Variants in PCM1 observed in about 807,000 individuals in gnomAD.
PCM1 encodes the protein pericentriolar material 1.
Under a neutral mutation model 241.9 loss-of-function variants are expected in PCM1, and 157 were observed. The ratio of observed to expected loss-of-function variants is 0.65; its 90% CI spans 0.57 to 0.74. The LOEUF (loss-of-function observed/expected upper bound fraction) is 0.74, where lower values mean the gene tolerates loss of function less well. Among genes scored for constraint, PCM1 ranks in the 30% least tolerant of loss-of-function variants. PCM1 has a pLI of 0.00. For synonymous variants in PCM1, 1,085 were observed against 784.9 expected (o/e 1.38, Z -6.39); for missense variants, 3,478 against 2,360.1 (o/e 1.47, Z -9.81).
chr8:17,983,351 G>T (rs1238637873), intron 24 of PCM1: 1 of 967,150 alleles, frequency 1.0e-6, no homozygotes, highest in Admixed American at 2.4e-5. Context: ...GGTCCTAAAG[G>T]TTTTATTGTC....
intron 31 of PCM1, 70 bp from the exon 32 acceptor site, chr8:18,010,539 A>T (rs1217262347): frequency 8.7e-7 from 1 of 1,150,788 alleles, no homozygotes; most frequent in Admixed American, 2.1e-5. Flanking sequence ...TGGGAGGCTG[A>T]GACATGAGAA....
chr8:17,985,674 A>T (rs896330005), intron 25 of PCM1, 55 bp downstream of exon 25: 3 of 1,330,206 alleles, frequency 2.3e-6, no homozygotes, highest in African/African-American at 1.4e-5. Flanking sequence ...CTTCATGATT[A>T]TCTCTGGTTG....
intron 10 of PCM1, chr8:17,956,000 T>C (rs2068228898): frequency 3.6e-6 from 1 of 278,140 alleles, no homozygotes; most frequent in Non-Finnish European, 6.9e-6. Flanking sequence ...TGTTACCCTG[T>C]ACAAATAACT....
At chr8:17,964,225 C>T (rs1311205558) in intron 17 of PCM1, among the ~76,000 whole-genome samples, 1 of 152,192 alleles carries the variant, frequency 6.6e-6, no homozygotes, top group African/African-American at 2.4e-5. Flanking sequence ...AGCACAGATA[C>T]AGATGATTGC....
chr8:18,007,967 T>C (rs1019198862), intron 30 of PCM1, among the ~76,000 whole-genome samples: 1 of 152,214 alleles, frequency 6.6e-6, no homozygotes, highest in Admixed American at 6.5e-5. Flanking sequence ...TACTTCCTTA[T>C]TTGAAGATTC....
chr8:17,961,861 T>G (rs1321234590), intron 15 of PCM1, among the ~76,000 whole-genome samples, 173 bp from the exon 16 acceptor site: 1 of 152,214 alleles, frequency 6.6e-6, no homozygotes, highest in Non-Finnish European at 1.5e-5. Context: ...AGCTTGTGTT[T>G]TCATCTTTGT....
In PCM1 at chr8:17,940,217, T is replaced by G. The variant is rs558349099; in HGVS notation, c.783+356T>G. On this transcript the variant is annotated intron_variant, in intron 6 of 38. Transcript: ENST00000325083. ...ATGAAGGTTTAAATTTTTCTCCCAG[T>G]TTTCAAGATGTTATTTTTATAGGCG... The G allele has an allele frequency of 1.2e-4, 106 of 882,422 alleles. No individual in the cohort carries two copies. In the African/African-American group the frequency reaches 1.5e-3, roughly 12 times the overall value. 54.7% of individuals were successfully genotyped at this position (882,422 alleles called of 1,614,324 possible).
chr8:17,956,701 A>C lies in PCM1; in HGVS notation c.1570A>C (p.Asn524His). Residue 524 changes from asparagine to histidine, a missense_variant, in exon 11 of 39, where the codon AAC (asparagine) becomes CAC (histidine). Asn to His is a moderately conservative substitution (Grantham distance 68). Transcript: ENST00000325083. ...SDMMTDAVNENRKDEETEESE... is the reference protein window; with the variant it reads ...SDMMTDAVNEHRKDEETEESE... The stretch of plus-strand genomic sequence containing the variant: ...CATGATGACAGATGCTGTGAATGAA[A>C]ACAGGAAAGATGAAGAAACTGAAGA... 6.2e-7 allele frequency: 1 copy of C among 1,606,624 alleles called. No homozygotes were observed. Among genetic ancestry groups the C allele is most frequent in the Non-Finnish European group, 8.5e-7 (1 of 1,175,136 alleles).
At chr8:17,927,216 T>G (rs1194817524) in intron 2 of PCM1, 1 of 148,570 alleles carries the variant, frequency 6.7e-6, no homozygotes, top group Admixed American at 6.8e-5. Flanking sequence ...ATCCCTCTCC[T>G]CCCGAGTTCA....
intron 29 of PCM1, among the ~76,000 whole-genome samples, chr8:17,999,911 G>T (rs2088637185): frequency 6.6e-6 from 1 of 152,100 alleles, no homozygotes; most frequent in Non-Finnish European, 1.5e-5. Context: ...AGGTTTGGCA[G>T]ACCTAGCAGT....
At chr8:17,940,687 C>G (rs1009482587) in intron 6 of PCM1, among the ~76,000 whole-genome samples, 1 of 152,124 alleles carries the variant, frequency 6.6e-6, no homozygotes, top group African/African-American at 2.4e-5. Flanking sequence ...TACATTGTGA[C>G]TTATTCACAA....
chr8:17,935,664 A>G lies in PCM1; in HGVS notation c.54A>G (p.Pro18=). ...FEDGMNDQDL[P]NWSNENVDDR... ...ATGGCATGAATGATCAGGATTTACC[A>G]AACTGGAGTAATGAGAATGTTGATG... Residue 18 remains proline (P), a synonymous_variant, in exon 3 of 39, where the codon CCA becomes CCG. Transcript: ENST00000325083. 6.4e-7 allele frequency: 1 copy of G among 1,554,598 alleles called. No individual in the cohort carries two copies. Among genetic ancestry groups the G allele is most frequent in the Non-Finnish European group, 8.9e-7 (1 of 1,126,066 alleles).
At position 18,011,285 on chromosome 8, in the gene PCM1, TATGATGGTCCCAAAA is replaced by T. The variant is rs764733582; in HGVS notation, c.5273_5287del (p.Asp1758_Asn1762del). The stretch of plus-strand genomic sequence containing the variant: ...TAAGCAGACTCAAACATCTGAGGTG[TATGATGGTCCCAAAA>T]ATGTAAGATCTGATATTTCTGATCA... On this transcript the variant is annotated inframe_deletion, in exon 33 of 39. Transcript: ENST00000325083. The T allele has an allele frequency of 1.9e-6, 3 of 1,607,220 alleles. No individual in the cohort carries two copies. Among genetic ancestry groups the T allele is most frequent in the South Asian group, 2.2e-5 (2 of 89,552 alleles).
rs1406727940 is a variant in PCM1 at position 17,962,025 on chromosome 8, C to T, written c.2323-9C>T. On this transcript the variant is annotated splice_polypyrimidine_tract_variant and intron_variant, in intron 15 of 38. Coordinates refer to ENST00000325083, the MANE Select transcript of PCM1 (RefSeq NM_006197.4). ...TTCCTCATAACGTTTTTTGTGAATTCCTTTTTAGCTGTCAGCTGCTAGTGT... is the reference window on the plus strand; with the variant it reads ...TTCCTCATAACGTTTTTTGTGAATTTCTTTTTAGCTGTCAGCTGCTAGTGT... 1 of 1,598,754 alleles carries T rather than the reference C, an allele frequency of 6.3e-7. No homozygotes were observed. Among genetic ancestry groups the T allele is most frequent in the Admixed American group, 1.7e-5 (1 of 57,262 alleles).
rs2076219684 is a variant in PCM1 at position 17,969,752 on chromosome 8, C to T, written c.3584+4C>T. On this transcript the variant is annotated splice_donor_region_variant and intron_variant, in intron 22 of 38. Coordinates refer to ENST00000325083, the MANE Select transcript of PCM1 (RefSeq NM_006197.4). ...CTATTGGAGCAGAGAAACCAAGGTA[C>T]TGATTGTAAACAGTCTTTTATTGCT... 1 of 1,454,104 alleles carries T rather than the reference C, an allele frequency of 6.9e-7. No individual in the cohort carries two copies. Among genetic ancestry groups the T allele is most frequent in the Non-Finnish European group, 9.1e-7 (1 of 1,103,494 alleles). The allele number at this position is 1,454,104 out of a possible 1,614,324, so 90.1% of individuals were successfully genotyped here.
At chr8:17,975,493 A>G (rs1320341263) in intron 23 of PCM1, among the ~76,000 whole-genome samples, 1 of 152,080 alleles carries the variant, frequency 6.6e-6, no homozygotes, top group African/African-American at 2.4e-5. Context: ...GGAAGTGGTA[A>G]ATAGAGGTGG....
chr8:18,007,948 T>C (rs1463310553), intron 30 of PCM1, among the ~76,000 whole-genome samples: 1 of 152,192 alleles, frequency 6.6e-6, no homozygotes, highest in African/African-American at 2.4e-5. Flanking sequence ...ACTAAAAATG[T>C]ATACAGTATA....
chr8:17,984,122 G>T (rs1162282923), intron 24 of PCM1, among the ~76,000 whole-genome samples: 1 of 151,948 alleles, frequency 6.6e-6, no homozygotes, highest in Admixed American at 6.6e-5. Flanking sequence ...TGTTTAAATG[G>T]CATATTCATT....
chr8:17,995,086 C>T (rs1280861146), intron 29 of PCM1, among the ~76,000 whole-genome samples: 1 of 151,330 alleles, frequency 6.6e-6, no homozygotes, highest in African/African-American at 2.5e-5. Flanking sequence ...GGGTATCACT[C>T]AAGAAATTTT....
Sources: gnomAD v4.1 joint callset for allele counts (sites outside exome capture counted in the v4.1 genomes callset) on GRCh38, gnomAD v4.1.1 for gene constraint, MANE v1.5 for transcripts, NCBI Gene and HGNC (gene_info 2026-07-23, HGNC 2026-07-21) for gene names.